UBE2L3: variants seen among roughly 807,000 people sequenced by gnomAD.
The protein encoded by UBE2L3 is ubiquitin conjugating enzyme E2 L3.
In UBE2L3, 1 loss-of-function variant was observed where a neutral mutation model predicts 17.8. That is an observed-to-expected ratio of 0.06 (90% CI 0.02 to 0.27). UBE2L3 has a LOEUF of 0.27. UBE2L3 is among the 10% of genes least tolerant of loss of function. The pLI is 1.00. For synonymous variants in UBE2L3, 44 were observed against 68.5 expected (o/e 0.64, Z 1.76); for missense variants, 40 against 192.6 (o/e 0.21, Z 4.69).
At chr22:21,565,391 C>A (rs1276794829), upstream of UBE2L3, among the ~76,000 whole-genome samples, 2 of 151,734 alleles carry the variant, frequency 1.3e-5, no homozygotes, top group Non-Finnish European at 2.9e-5. Context: ...CACACCCGGC[C>A]CCAGGATATA....
At chr22:21,552,230 C>T (rs200855787) in intron 1 of UBE2L3, among the ~76,000 whole-genome samples, 57 of 152,276 alleles carry the variant, frequency 3.7e-4, no homozygotes, top group Non-Finnish European at 5.3e-4. Flanking sequence ...CTCACTCTGT[C>T]GCCAGGCTGG....
chr22:21,612,337 C>T (rs1330206631), intron 3 of UBE2L3, among the ~76,000 whole-genome samples: 1 of 151,830 alleles, frequency 6.6e-6, no homozygotes, highest in African/African-American at 2.4e-5. Context: ...CTTTTCTTTT[C>T]TTTTTTGGAA....
At chr22:21,614,152 A>G (rs959198685) in intron 3 of UBE2L3, among the ~76,000 whole-genome samples, 4 of 151,968 alleles carry the variant, frequency 2.6e-5, no homozygotes, top group African/African-American at 4.8e-5. Flanking sequence ...TCCTTCTCCC[A>G]CCTGCCTGAT....
chr22:21,620,093 A>C (rs1929973990), intron 3 of UBE2L3, among the ~76,000 whole-genome samples: 1 of 152,110 alleles, frequency 6.6e-6, no homozygotes, highest in Non-Finnish European at 1.5e-5. Context: ...CAGGAGTTTG[A>C]GACCAGCCTG....
intron 3 of UBE2L3, 117 bp from the exon 4 acceptor site, chr22:21,621,398 G>C (rs1350459124): frequency 8.4e-6 from 11 of 1,309,286 alleles, no homozygotes; most frequent in Non-Finnish European, 1.1e-5. Context: ...TGGCTTAAAA[G>C]CACATTAGCT....
intron 1 of UBE2L3, among the ~76,000 whole-genome samples, chr22:21,585,484 C>G (rs536635242): frequency 6.6e-6 from 1 of 152,346 alleles, no homozygotes; most frequent in South Asian, 2.1e-4. Flanking sequence ...CAGCCCACTT[C>G]CCACCAGGGT....
chr22:21,588,080 A>G (rs1395215141), intron 1 of UBE2L3, among the ~76,000 whole-genome samples: 1 of 152,194 alleles, frequency 6.6e-6, no homozygotes, highest in Non-Finnish European at 1.5e-5. Flanking sequence ...GCACTGCACC[A>G]TCAGCCCTGA....
At chr22:21,563,078 C>G (rs187666837), upstream of UBE2L3, among the ~76,000 whole-genome samples, 352 of 150,946 alleles carry the variant, frequency 2.3e-3, 3 homozygotes, top group African/African-American at 7.7e-3. Context: ...CCCGTCTCTA[C>G]TAAAAATGCA....
Position 21,576,801 on chromosome 22 carries a change from C to CTTTTTTTT in UBE2L3, c.27+9043_27+9050dup, listed in dbSNP as rs757829734. On this transcript the variant is annotated intron_variant, in intron 1 of 3. Transcript: ENST00000342192. ...ATTCTTGCTTCTTGTCTTCTCTTTC[C>CTTTTTTTT]TTTTTTTTTTTTTTTTTTTTGAGAC... 4.2e-5 allele frequency among the ~76,000 whole-genome samples: 5 copies of CTTTTTTTT among 118,146 alleles called. 1 individual carries two copies. The highest frequency in any genetic ancestry group is 9.6e-5 in the Admixed American group (1 of 10,468). 77.5% of individuals were successfully genotyped at this position (118,146 alleles called of 152,430 possible).
At chr22:21,593,264 G>A (rs1171490929) in intron 2 of UBE2L3, among the ~76,000 whole-genome samples, 1 of 152,162 alleles carries the variant, frequency 6.6e-6, no homozygotes, top group Non-Finnish European at 1.5e-5. Flanking sequence ...TGATGGATCA[G>A]CAGGACCTTC....
At chr22:21,603,365 T>TA (rs1325857433) in intron 2 of UBE2L3, among the ~76,000 whole-genome samples, 1 of 149,762 alleles carries the variant, frequency 6.7e-6, no homozygotes, top group Non-Finnish European at 1.5e-5. Context: ...TTGTCTCTAG[T>TA]AAAAATACAA....
At chr22:21,568,011 G>A in intron 1 of UBE2L3, 1 of 1,327,140 alleles carries the variant, frequency 7.5e-7, no homozygotes, top group Non-Finnish European at 9.6e-7. Flanking sequence ...GGCCCGGGGC[G>A]TTCACGCCAC....
At chr22:21,601,892 A>C (rs1259151769) in intron 2 of UBE2L3, among the ~76,000 whole-genome samples, 4 of 151,110 alleles carry the variant, frequency 2.6e-5, no homozygotes, top group African/African-American at 9.7e-5. Flanking sequence ...GAATGGCGTG[A>C]ACCCGGGAGG....
At chr22:21,602,284 G>A (rs535813246) in intron 2 of UBE2L3, among the ~76,000 whole-genome samples, 47 of 152,330 alleles carry the variant, frequency 3.1e-4, no homozygotes, top group African/African-American at 9.6e-4. Context: ...ATCCAAACTA[G>A]GATCCAGCTC....
chr22:21,604,496 C>A (rs1929044020), intron 2 of UBE2L3, among the ~76,000 whole-genome samples: 1 of 152,108 alleles, frequency 6.6e-6, no homozygotes, highest in Admixed American at 6.5e-5. Context: ...GACTCTATCT[C>A]TAAATAAATA....
upstream of UBE2L3, among the ~76,000 whole-genome samples, chr22:21,566,743 C>T (rs1050363536): frequency 6.6e-6 from 1 of 152,080 alleles, no homozygotes; most frequent in Non-Finnish European, 1.5e-5. Flanking sequence ...TTACTCCATT[C>T]TGGACACTGA....
intron 1 of UBE2L3, among the ~76,000 whole-genome samples, chr22:21,572,738 GT>G (rs1438907687): frequency 6.6e-6 from 1 of 152,042 alleles, no homozygotes; most frequent in Non-Finnish European, 1.5e-5. Context: ...CACTTCCAGA[GT>G]TTTCTTGGGA....
chr22:21,579,272 G>A (rs537622155), intron 1 of UBE2L3, among the ~76,000 whole-genome samples: 51 of 152,098 alleles, frequency 3.4e-4, no homozygotes, highest in African/African-American at 1.1e-3. Context: ...GATTACAGGC[G>A]TGAGCCACCA....
At chr22:21,556,747 C>A (rs528847208) in intron 1 of UBE2L3, among the ~76,000 whole-genome samples, 25 of 152,202 alleles carry the variant, frequency 1.6e-4, no homozygotes, top group Non-Finnish European at 3.7e-4. Flanking sequence ...CAGGCATGAG[C>A]CACCACACCT....
Sources: allele counts gnomAD v4.1 joint callset (sites outside exome capture counted in the v4.1 genomes callset), GRCh38; gene constraint gnomAD v4.1.1; transcripts MANE v1.5; gene names NCBI Gene and HGNC (gene_info 2026-07-23, HGNC 2026-07-21).